Variants in TPBG observed in about 807,000 individuals in gnomAD.
The protein encoded by TPBG is trophoblast glycoprotein, also known as 5T4 oncofetal antigen.
TPBG carries 13 observed loss-of-function variants against 19.3 expected under a neutral mutation model. The ratio of observed to expected loss-of-function variants is 0.67; its 90% CI spans 0.44 to 1.07. The LOEUF (loss-of-function observed/expected upper bound fraction) is 1.07. TPBG is among the 50% of genes least tolerant of loss of function. The probability of loss-of-function intolerance (pLI) is 0.00; values close to 1 mark genes in which losing one functional copy is unlikely to be tolerated. For synonymous variants in TPBG, 338 were observed against 259.8 expected, an observed-to-expected ratio of 1.30 and a Z score of -2.89; for missense variants, 642 against 559.6, an observed-to-expected ratio of 1.15 and a Z score of -1.49.
chr6:82,365,348 C>G lies in TPBG; in HGVS notation c.387C>G (p.Arg129=), dbSNP rs202109829. 1.9e-4 allele frequency: 297 copies of G among 1,580,730 alleles called. 1 individual carries two copies. The East Asian group carries it at 6.9e-3, about 37-fold the overall frequency. Residue 129 remains arginine, a synonymous_variant, in exon 2 of 2, where the codon CGC becomes CGG. Transcript: ENST00000369750. ...ELAALNLSGS[R]LDEVRAGAFE... ...CCGCGCTCAACCTCAGCGGCAGCCG[C>G]CTGGACGAGGTGCGCGCGGGCGCCT...
chr6:82,365,735 A>C lies in TPBG; in HGVS notation c.774A>C (p.Thr258=). The C allele has an allele frequency of 6.2e-7, 1 of 1,613,452 alleles. No homozygotes were observed. ...CCTACGTGTCCTTCCGCAACCTGAC[A>C]CATCTAGAAAGCCTCCACCTGGAGG... is the stretch of plus-strand genomic sequence containing the variant. ...SLTYVSFRNL[T]HLESLHLEDN... Residue 258 remains threonine, a synonymous_variant, in exon 2 of 2, where the codon ACA becomes ACC. Coordinates refer to ENST00000369750, the MANE Select transcript of TPBG (RefSeq NM_001376922.1).
chr6:82,365,782 A>T lies in TPBG; in HGVS notation c.821A>T (p.His274Leu). The change falls in exon 2 of 2, where the codon CAC becomes CTC. Residue 274 changes from histidine (H) to leucine (L), a missense_variant. By Grantham distance (99) the His-to-Leu change is moderately conservative. Coordinates refer to ENST00000369750, the MANE Select transcript of TPBG (RefSeq NM_001376922.1). Reference protein sequence around the residue: ...HLEDNALKVLHNGTLAELQGL... With the variant: ...HLEDNALKVLLNGTLAELQGL... ...GAGGACAATGCCCTCAAGGTCCTTCACAATGGCACCCTGGCTGAGTTGCAA... is the reference window on the plus strand; with the variant it reads ...GAGGACAATGCCCTCAAGGTCCTTCTCAATGGCACCCTGGCTGAGTTGCAA... 6.2e-7 allele frequency: 1 copy of T among 1,614,188 alleles called. No individual in the cohort carries two copies. The highest frequency in any genetic ancestry group is 1.1e-5 in the South Asian group (1 of 91,088).
Position 82,365,517 on chromosome 6 carries a change from C to T in TPBG, c.556C>T (p.Pro186Ser). Residue 186 changes from proline to serine, a missense_variant, in exon 2 of 2, where the codon CCT (proline) becomes TCT (serine). Coordinates refer to ENST00000369750, the MANE Select transcript of TPBG (RefSeq NM_001376922.1). Reference sequence around the variant, plus strand: ...ACTGATCCTGAACCACATCGTGCCCCCTGAAGATGAGCGGCAGAACCGGAG... The same window carrying T: ...ACTGATCCTGAACCACATCGTGCCCTCTGAAGATGAGCGGCAGAACCGGAG... ...VELILNHIVP[P>S]EDERQNRSFE... 1.3e-6 allele frequency: 2 copies of T among 1,580,904 alleles called. No homozygotes were observed. The highest frequency in any genetic ancestry group is 1.2e-5 in the South Asian group (1 of 84,826).
chr6:82,364,507 T>G, intron 1 of TPBG, 116 bp from the exon 2 acceptor site: 1 of 156,316 alleles, frequency 6.4e-6, no homozygotes, highest in Non-Finnish European at 1.4e-5. Flanking sequence ...GGGGCGGGCT[T>G]TTGGAAGGAG....
In TPBG at chr6:82,367,017, A is replaced by G. The variant is rs1019350505; in HGVS notation, c.*793A>G. On this transcript the variant is annotated 3_prime_UTR_variant, in exon 2 of 2. Coordinates refer to ENST00000369750, the MANE Select transcript of TPBG (RefSeq NM_001376922.1). ...GTTCCGATGATAATTATTACTTAAC[A>G]TAGCTGAGAATCAAACTGTAGCAAT... 2 of 167,110 alleles carry G rather than the reference A, an allele frequency of 1.2e-5. No homozygotes were observed. The highest frequency in any genetic ancestry group is 2.9e-5 in the Non-Finnish European group (2 of 68,100). 10.4% of individuals were successfully genotyped at this position (167,110 alleles called of 1,614,324 possible). A position where few individuals can be genotyped will look rare whatever the true frequency, so the allele number is the denominator to read the frequency against.
rs747798059 is a variant in TPBG at position 82,365,613 on chromosome 6, G to A, written c.652G>A (p.Ala218Thr). The stretch of plus-strand genomic sequence containing the variant: ...GCAGGGGCTCCGCCGCTTGGAGCTG[G>A]CCAGCAACCACTTCCTTTACCTGCC... Reference protein sequence around the residue: ...ALQGLRRLELASNHFLYLPRD... With the variant: ...ALQGLRRLELTSNHFLYLPRD... Residue 218 changes from alanine (A) to threonine (T), a missense_variant, in exon 2 of 2, where the codon GCC becomes ACC. By Grantham distance (58) the Ala-to-Thr change is moderately conservative. Coordinates refer to ENST00000369750, the MANE Select transcript of TPBG (RefSeq NM_001376922.1). The A allele has an allele frequency of 6.2e-7, 1 of 1,602,868 alleles. No homozygotes were observed. The highest frequency in any genetic ancestry group is 8.5e-7 in the Non-Finnish European group (1 of 1,174,392).
rs1301303146 is a variant in TPBG at position 82,365,938 on chromosome 6, C to T, written c.977C>T (p.Pro326Leu). Residue 326 changes from proline (P) to leucine (L), a missense_variant, in exon 2 of 2, where the codon CCG becomes CTG. Physicochemically the swap from Pro to Leu is moderately conservative, Grantham distance 98 (BLOSUM62 -3). Transcript: ENST00000369750. ...AAAGACCGGCTCACCTGTGCATATC[C>T]GGAAAAAATGAGGAATCGGGTCCTC... ...QGKDRLTCAY[P>L]EKMRNRVLLE... The T allele has an allele frequency of 1.9e-6, 3 of 1,614,084 alleles. No individual in the cohort carries two copies. The highest frequency in any genetic ancestry group is 1.7e-6 in the Non-Finnish European group (2 of 1,180,004).
chr6:82,365,713 A>G lies in TPBG; in HGVS notation c.752A>G (p.Tyr251Cys), dbSNP rs1767479391. 6.2e-7 allele frequency: 1 copy of G among 1,611,112 alleles called. No individual in the cohort carries two copies. Among genetic ancestry groups the G allele is most frequent in the Admixed American group, 1.7e-5 (1 of 59,820 alleles). The change falls in exon 2 of 2, where the codon TAC (tyrosine) becomes TGC (cysteine). Residue 251 changes from tyrosine to cysteine, a missense_variant. By Grantham distance (194) the Tyr-to-Cys change is radical. Transcript: ENST00000369750. ...LSNNSLVSLT[Y>C]VSFRNLTHLE... ...AATAATTCGCTGGTGAGCCTGACCT[A>G]CGTGTCCTTCCGCAACCTGACACAT...
In TPBG at chr6:82,365,658, C is replaced by G; in HGVS notation, c.697C>G (p.Leu233Val). 6.2e-7 allele frequency: 1 copy of G among 1,603,534 alleles called. No homozygotes were observed. The highest frequency in any genetic ancestry group is 8.5e-7 in the Non-Finnish European group (1 of 1,174,666). Residue 233 changes from leucine (L) to valine (V), a missense_variant, in exon 2 of 2, where the codon CTG becomes GTG. Leu to Val is a conservative substitution (Grantham distance 32, BLOSUM62 1). Transcript: ENST00000369750. ...LYLPRDVLAQ[L>V]PSLRHLDLSN... ...CCTGCCGCGGGATGTGCTGGCCCAA[C>G]TGCCCAGCCTCAGGCACCTGGACTT...
chr6:82,363,735 C>T (rs1767385001), upstream of TPBG: 1 of 152,476 alleles, frequency 6.6e-6, no homozygotes, highest in Admixed American at 6.5e-5. Flanking sequence ...GGGAATCTCC[C>T]CGACAGTCCT....
Position 82,365,152 on chromosome 6 carries a change from C to T in TPBG, c.191C>T (p.Ala64Val), listed in dbSNP as rs1476127990. 1.2e-6 allele frequency: 2 copies of T among 1,605,264 alleles called. No individual in the cohort carries two copies. The highest frequency in any genetic ancestry group is 2.3e-5 in the East Asian group (1 of 43,906). The change falls in exon 2 of 2, where the codon GCG becomes GTG. Residue 64 changes from alanine (A) to valine (V), a missense_variant. Physicochemically the swap from Ala to Val is moderately conservative, Grantham distance 64 (BLOSUM62 0). Coordinates refer to ENST00000369750, the MANE Select transcript of TPBG (RefSeq NM_001376922.1). The part of the protein sequence containing the change: ...AQPPLPDQCP[A>V]LCECSEAART... ...CCCCCGCTGCCGGACCAGTGCCCCGCGCTGTGCGAGTGCTCCGAGGCAGCG... is the reference window on the plus strand; with the variant it reads ...CCCCCGCTGCCGGACCAGTGCCCCGTGCTGTGCGAGTGCTCCGAGGCAGCG...
chr6:82,363,947 A>G (rs1040682918), intron 1 of TPBG, 39 bp downstream of exon 1: 1 of 152,680 alleles, frequency 6.5e-6, no homozygotes, highest in African/African-American at 2.4e-5. Flanking sequence ...GAGACCCGGG[A>G]GGCGTCGTTG....
Position 82,365,115 on chromosome 6 carries a change from G to C in TPBG, c.154G>C (p.Val52Leu), listed in dbSNP as rs775233830. 4 of 1,592,338 alleles carry C rather than the reference G, an allele frequency of 2.5e-6. No homozygotes were observed. Among genetic ancestry groups the C allele is most frequent in the South Asian group, 2.3e-5 (2 of 88,422 alleles). ...SSSAPFLASA[V>L]SAQPPLPDQC... ...CTCGGCGCCGTTCCTGGCTTCCGCC[G>C]TGTCCGCCCAGCCCCCGCTGCCGGA... Residue 52 changes from valine (V) to leucine (L), a missense_variant, in exon 2 of 2, where the codon GTG (valine) becomes CTG (leucine). By Grantham distance (32) the Val-to-Leu change is conservative. Coordinates refer to ENST00000369750, the MANE Select transcript of TPBG (RefSeq NM_001376922.1).
chr6:82,367,292 C>A lies in TPBG; in HGVS notation c.*1068C>A, dbSNP rs1178470287. The A allele has an allele frequency of 3.0e-5, 5 of 166,904 alleles. No individual in the cohort carries two copies. The highest frequency in any genetic ancestry group is 7.3e-5 in the Non-Finnish European group (5 of 68,062). 10.3% of individuals were successfully genotyped at this position (166,904 alleles called of 1,614,324 possible). A position where few individuals can be genotyped will look rare whatever the true frequency, so the allele number is the denominator to read the frequency against. On this transcript the variant is annotated 3_prime_UTR_variant, in exon 2 of 2. Coordinates refer to ENST00000369750, the MANE Select transcript of TPBG (RefSeq NM_001376922.1). ...GAAAAATAGTATTTACTTAATAAAA[C>A]TCTGTTTGAAATTGTTCTGTGGATT...
chr6:82,364,090 G>A (rs1767399310), intron 1 of TPBG, among the ~76,000 whole-genome samples, 182 bp downstream of exon 1: 1 of 152,194 alleles, frequency 6.6e-6, no homozygotes, highest in Non-Finnish European at 1.5e-5. Flanking sequence ...GAGATCCGAG[G>A]GGCTGGCGGG....
rs765757645 is a variant in TPBG, at chr6:82,365,498, C to T, written c.537C>T (p.Ile179=). The T allele has an allele frequency of 1.9e-6, 3 of 1,595,536 alleles. No homozygotes were observed. Among genetic ancestry groups the T allele is most frequent in the Non-Finnish European group, 1.7e-6 (2 of 1,172,906 alleles). Reference sequence around the variant, plus strand: ...CCCCCAGTCCCCTTGTGGAACTGATCCTGAACCACATCGTGCCCCCTGAAG... The same window carrying T: ...CCCCCAGTCCCCTTGTGGAACTGATTCTGAACCACATCGTGCCCCCTGAAG... ...VSAPSPLVEL[I]LNHIVPPEDE... Residue 179 remains isoleucine (I), a synonymous_variant, in exon 2 of 2, where the codon ATC becomes ATT. Transcript: ENST00000369750.
Position 82,365,625 on chromosome 6 carries a change from T to C in TPBG, c.664T>C (p.Phe222Leu), listed in dbSNP as rs1276396173. 2 of 1,604,490 alleles carry C rather than the reference T, an allele frequency of 1.2e-6. No homozygotes were observed. Among genetic ancestry groups the C allele is most frequent in the South Asian group, 2.2e-5 (2 of 89,324 alleles). ...CCGCTTGGAGCTGGCCAGCAACCAC[T>C]TCCTTTACCTGCCGCGGGATGTGCT... The part of the protein sequence containing the change: ...LRRLELASNH[F>L]LYLPRDVLAQ... The change falls in exon 2 of 2, where the codon TTC becomes CTC. Residue 222 changes from phenylalanine (F) to leucine (L), a missense_variant. Physicochemically the swap from Phe to Leu is conservative, Grantham distance 22 (BLOSUM62 0). Transcript: ENST00000369750.
At position 82,365,548 on chromosome 6, in the gene TPBG, A is replaced by G; in HGVS notation, c.587A>G (p.Glu196Gly). The G allele has an allele frequency of 6.3e-7, 1 of 1,575,784 alleles. No individual in the cohort carries two copies. The highest frequency in any genetic ancestry group is 8.6e-7 in the Non-Finnish European group (1 of 1,162,454). Residue 196 changes from glutamate (E) to glycine (G), a missense_variant, in exon 2 of 2, where the codon GAG (glutamate) becomes GGG (glycine). Transcript: ENST00000369750. ...PEDERQNRSF[E>G]GMVVAALLAG... ...GATGAGCGGCAGAACCGGAGCTTCG[A>G]GGGCATGGTGGTGGCGGCCCTGCTG...
chr6:82,365,566 C>T lies in TPBG; in HGVS notation c.605C>T (p.Ala202Val). 1 of 1,579,130 alleles carries T rather than the reference C, an allele frequency of 6.3e-7. No homozygotes were observed. Among genetic ancestry groups the T allele is most frequent in the Non-Finnish European group, 8.6e-7 (1 of 1,164,144 alleles). ...AGCTTCGAGGGCATGGTGGTGGCGG[C>T]CCTGCTGGCGGGCCGTGCACTGCAG... The part of the protein sequence containing the change: ...NRSFEGMVVA[A>V]LLAGRALQGL... Residue 202 changes from alanine (A) to valine (V), a missense_variant, in exon 2 of 2, where the codon GCC becomes GTC. Ala to Val is a moderately conservative substitution (Grantham distance 64). Coordinates refer to ENST00000369750, the MANE Select transcript of TPBG (RefSeq NM_001376922.1).
Sources: allele counts gnomAD v4.1 joint callset (sites outside exome capture counted in the v4.1 genomes callset), GRCh38; gene constraint gnomAD v4.1.1; transcripts MANE v1.5; gene names NCBI Gene and HGNC (gene_info 2026-07-23, HGNC 2026-07-21).